Variants in MACROD2 observed in about 807,000 individuals in gnomAD.
MACROD2 encodes mono-ADP ribosylhydrolase 2.
In MACROD2, 36 loss-of-function variants were observed where a neutral mutation model predicts 70.4. The observed-to-expected ratio is 0.51, with a 90% CI of 0.39 to 0.68. The LOEUF (loss-of-function observed/expected upper bound fraction) is 0.68, where lower values mean the gene tolerates loss of function less well. Among genes scored for constraint, MACROD2 ranks in the 30% least tolerant of loss-of-function variants. The pLI, the probability that MACROD2 is intolerant of heterozygous loss-of-function variation, is 0.00. For synonymous variants in MACROD2, 172 were observed against 178.8 expected (o/e 0.96, Z 0.30); for missense variants, 496 against 538.4 (o/e 0.92, Z 0.78).
intron 17 of MACROD2, among the ~76,000 whole-genome samples, chr20:16,046,961 C>T (rs2067391736): frequency 6.6e-6 from 1 of 151,972 alleles, no homozygotes; most frequent in Non-Finnish European, 1.5e-5. Context: ...GGATTAAAGG[C>T]CAGGTATCAA....
rs558904118 is a variant in MACROD2, at chr20:14,051,641, C to A, written c.164-33980C>A. On this transcript the variant is annotated intron_variant, in intron 2 of 17. Transcript: ENST00000684519. ...ACTAATAATAGTATCAACCCATCAT[C>A]TTTTTTGGAATGAGTCAGCATATAA... is the stretch of plus-strand genomic sequence containing the variant. Among the ~76,000 whole-genome samples the A allele has an allele frequency of 5.9e-4, 90 of 152,112 alleles. 2 individuals are homozygous for A. The highest frequency in any genetic ancestry group is 2.0e-3 in the African/African-American group (84 of 41,478).
At chr20:15,671,418 G>C (rs1417033320) in intron 8 of MACROD2, among the ~76,000 whole-genome samples, 3 of 152,168 alleles carry the variant, frequency 2.0e-5, no homozygotes, top group African/African-American at 7.2e-5. Flanking sequence ...TGTAAGGGGT[G>C]GGGGGATTAT....
intron 3 of MACROD2, among the ~76,000 whole-genome samples, chr20:14,353,353 A>G (rs1386253821): frequency 6.6e-6 from 1 of 152,104 alleles, no homozygotes; most frequent in Non-Finnish European, 1.5e-5. Flanking sequence ...TAACTGCAAA[A>G]CTGTATTTAG....
chr20:14,287,443 C>T (rs764795466), intron 3 of MACROD2, among the ~76,000 whole-genome samples: 17 of 95,260 alleles, frequency 1.8e-4, no homozygotes, highest in Admixed American at 5.8e-4. Flanking sequence ...TTGCAGCCTA[C>T]GTTTATCAAA....
intron 5 of MACROD2, among the ~76,000 whole-genome samples, chr20:14,947,391 G>C (rs1445277347): frequency 6.6e-6 from 1 of 152,178 alleles, no homozygotes; most frequent in Non-Finnish European, 1.5e-5. Flanking sequence ...CAAACTAGCT[G>C]AGCCTCAGTT....
At chr20:15,577,147 T>C (rs1232916564) in intron 8 of MACROD2, among the ~76,000 whole-genome samples, 1 of 152,162 alleles carries the variant, frequency 6.6e-6, no homozygotes, top group East Asian at 1.9e-4. Context: ...CAAAAGAACA[T>C]TGAAAACACC....
At chr20:14,653,349 G>A (rs976715129) in intron 4 of MACROD2, among the ~76,000 whole-genome samples, 1 of 151,742 alleles carries the variant, frequency 6.6e-6, no homozygotes, top group African/African-American at 2.4e-5. Flanking sequence ...GTCCTGAGTA[G>A]CTGGGACTAC....
rs114607713 is a variant in MACROD2 at position 15,791,492 on chromosome 20, T to A, written c.646-71253T>A. ...ATATGTTTTTAATAAAGTCTGATTA[T>A]GTTTCTTTTCAGTAGCTAACATTCA... On this transcript the variant is annotated intron_variant, in intron 8 of 17. Coordinates refer to ENST00000684519, the MANE Select transcript of MACROD2 (RefSeq NM_001351661.2). Among the ~76,000 whole-genome samples, 332 of 152,108 alleles carry A rather than the reference T, an allele frequency of 2.2e-3. 1 individual carries two copies. Among genetic ancestry groups the A allele is most frequent in the African/African-American group, 7.7e-3 (320 of 41,562 alleles).
At chr20:15,880,808 A>T (rs568979863) in intron 9 of MACROD2, among the ~76,000 whole-genome samples, 1 of 152,174 alleles carries the variant, frequency 6.6e-6, no homozygotes, top group Admixed American at 6.6e-5. Flanking sequence ...GCATGCACTG[A>T]ATTGTCAAGG....
At chr20:14,377,880 C>G (rs1329051163) in intron 3 of MACROD2, among the ~76,000 whole-genome samples, 1 of 152,116 alleles carries the variant, frequency 6.6e-6, no homozygotes, top group Non-Finnish European at 1.5e-5. Flanking sequence ...AGTCTGTAAA[C>G]CAACAGCTCT....
chr20:14,182,036 A>G (rs982095676), intron 3 of MACROD2, among the ~76,000 whole-genome samples: 3 of 152,142 alleles, frequency 2.0e-5, no homozygotes, highest in East Asian at 3.9e-4. Context: ...TGCTAACTCT[A>G]TGTTTAACCT....
intron 3 of MACROD2, among the ~76,000 whole-genome samples, chr20:14,345,995 G>A (rs189559396): frequency 6.7e-6 from 1 of 150,084 alleles, no homozygotes; most frequent in African/African-American, 2.4e-5. Flanking sequence ...TTGGGAGGCT[G>A]AGGCAGGAGA....
chr20:14,389,598 A>C (rs2151786), intron 3 of MACROD2, among the ~76,000 whole-genome samples: 149,046 of 152,172 alleles, frequency 0.98, 73,074 homozygotes, highest in Middle Eastern at 1. Context: ...TTTGAGCTCA[A>C]TGCAGGGGCA....
At chr20:15,057,249 A>G (rs949439651) in intron 5 of MACROD2, among the ~76,000 whole-genome samples, 2 of 152,208 alleles carry the variant, frequency 1.3e-5, no homozygotes, top group African/African-American at 4.8e-5. Flanking sequence ...GTAGTATGTC[A>G]ATTTAATTCC....
intron 8 of MACROD2, among the ~76,000 whole-genome samples, chr20:15,840,421 T>C (rs985524337): frequency 6.6e-6 from 1 of 152,168 alleles, no homozygotes; most frequent in Non-Finnish European, 1.5e-5. Flanking sequence ...TCCCCTGCCC[T>C]CTTAAGGAGT....
intron 3 of MACROD2, among the ~76,000 whole-genome samples, chr20:14,124,319 T>C (rs1207194893): frequency 6.6e-6 from 1 of 152,192 alleles, no homozygotes; most frequent in East Asian, 1.9e-4. Flanking sequence ...AGAGGGAATA[T>C]ACCATGTGAG....
intron 8 of MACROD2, among the ~76,000 whole-genome samples, chr20:15,522,155 G>T: frequency 6.6e-6 from 1 of 152,164 alleles, no homozygotes; most frequent in East Asian, 1.9e-4. Context: ...AGTTTAAGGA[G>T]GCAGGTCTCA....
chr20:15,676,574 C>G (rs1448605407), intron 8 of MACROD2, among the ~76,000 whole-genome samples: 1 of 152,156 alleles, frequency 6.6e-6, no homozygotes, highest in Non-Finnish European at 1.5e-5. Context: ...ATCATCAAAA[C>G]CAGAACTCTT....
Position 14,580,008 on chromosome 20 carries a change from A to G in MACROD2, c.301+86500A>G, listed in dbSNP as rs567161469. Among the ~76,000 whole-genome samples, 4 of 152,350 alleles carry G rather than the reference A, an allele frequency of 2.6e-5. No individual in the cohort carries two copies. In the South Asian group the frequency reaches 8.3e-4, roughly 32 times the overall value. On this transcript the variant is annotated intron_variant, in intron 4 of 17. Coordinates refer to ENST00000684519, the MANE Select transcript of MACROD2 (RefSeq NM_001351661.2). ...TGGATGTAAAAAGACGGAATGTTTC[A>G]TGTCATTATTTACAAAGCAACTGAA...
Sources: allele counts gnomAD v4.1 joint callset (sites outside exome capture counted in the v4.1 genomes callset), GRCh38; gene constraint gnomAD v4.1.1; transcripts MANE v1.5; gene names NCBI Gene and HGNC (gene_info 2026-07-23, HGNC 2026-07-21).